Variants in RBM28 observed in about 807,000 individuals in gnomAD.
RBM28 encodes RNA-binding protein 28.
Under a neutral mutation model 98.3 loss-of-function variants are expected in RBM28, and 78 were observed. That is an observed-to-expected ratio of 0.79 (90% CI 0.66 to 0.96). The LOEUF is 0.96. Ranked by LOEUF, RBM28 falls within the 40% of genes least tolerant of loss-of-function variation. The pLI, the probability that RBM28 is intolerant of heterozygous loss-of-function variation, is 0.00. For missense variants in RBM28, 838 were observed against 913.0 expected (o/e 0.92, Z 1.06); for synonymous variants, 306 against 330.9 (o/e 0.92, Z 0.82).
intron 17 of RBM28, among the ~76,000 whole-genome samples, chr7:128,314,031 C>T (rs1041055158): frequency 1.3e-5 from 2 of 151,970 alleles, no homozygotes; most frequent in African/African-American, 4.8e-5. Context: ...GGCGTGATCT[C>T]GGCTCACTGC....
rs1329351644 is a variant in RBM28 at position 128,303,847 on chromosome 7, A to C, written c.*6950T>G. On this transcript the variant is annotated 3_prime_UTR_variant, in exon 19 of 19. Transcript: ENST00000223073. The stretch of plus-strand genomic sequence containing the variant: ...CAACTTCCTCTATTAACACCCATGC[A>C]CGTATCAGAAGCTACCCATGAAAGG... 2.0e-5 allele frequency: 3 copies of C among 152,218 alleles called. No individual in the cohort carries two copies. Among genetic ancestry groups the C allele is most frequent in the African/African-American group, 7.2e-5 (3 of 41,442 alleles). The allele number at this position is 152,218 out of a possible 1,614,324, so 9.4% of individuals were successfully genotyped here.
chr7:128,317,997 C>T lies in RBM28; in HGVS notation c.1673G>A (p.Arg558His), dbSNP rs1796141309. Residue 558 changes from arginine (R) to histidine (H), a missense_variant, in exon 15 of 19, where the codon CGC becomes CAC. Transcript: ENST00000223073. ...GATTTCTGGATTGTTGTTGATGAGG[C>T]GGAGGGCTTTCAGGGCATGCTCGTG... ...QEHEHALKAL[R>H]LINNNPEIFG... The T allele has an allele frequency of 6.2e-7, 1 of 1,614,154 alleles. No homozygotes were observed. Among genetic ancestry groups the T allele is most frequent in the Non-Finnish European group, 8.5e-7 (1 of 1,180,022 alleles).
At chr7:128,325,285 T>C (rs1348369709) in intron 11 of RBM28, among the ~76,000 whole-genome samples, 1 of 152,216 alleles carries the variant, frequency 6.6e-6, no homozygotes, top group Non-Finnish European at 1.5e-5. Flanking sequence ...AGTCCCAAAG[T>C]AGACCCAAAC....
intron 9 of RBM28, among the ~76,000 whole-genome samples, chr7:128,331,356 C>G (rs1476202017): frequency 6.6e-6 from 1 of 151,578 alleles, no homozygotes; most frequent in Non-Finnish European, 1.5e-5. Flanking sequence ...AAGTGGTGTC[C>G]CCAGAGAAAA....
chr7:128,341,146 T>C, intron 1 of RBM28: 1 of 1,288,944 alleles, frequency 7.8e-7, no homozygotes, highest in Non-Finnish European at 1.0e-6. Flanking sequence ...TCATATGCTC[T>C]GCTTCTCTTT....
chr7:128,338,585 T>C (rs1375011020), intron 4 of RBM28, 141 bp downstream of exon 4: 2 of 774,322 alleles, frequency 2.6e-6, no homozygotes, highest in East Asian at 2.7e-5. Flanking sequence ...ACAGAAAATA[T>C]CATCAGGGGA....
At chr7:128,328,252 T>C (rs1374700927) in intron 10 of RBM28, among the ~76,000 whole-genome samples, 2 of 152,248 alleles carry the variant, frequency 1.3e-5, no homozygotes, top group African/African-American at 2.4e-5. Context: ...ATGTTTCTAA[T>C]AGGCAGATTC....
chr7:128,316,048 G>A (rs1796101371), intron 16 of RBM28, among the ~76,000 whole-genome samples: 1 of 152,230 alleles, frequency 6.6e-6, no homozygotes, highest in Non-Finnish European at 1.5e-5. Context: ...AATGATAAGT[G>A]TGTGTTGTTC....
rs543318949 is a variant in RBM28 at position 128,311,080 on chromosome 7, G to C, written c.2146-149C>G. 1.1e-4 allele frequency: 87 copies of C among 803,006 alleles called. No homozygotes were observed. In the African/African-American group the frequency reaches 1.4e-3, roughly 13 times the overall value. The allele number at this position is 803,006 out of a possible 1,614,324, so 49.7% of individuals were successfully genotyped here. On this transcript the variant is annotated intron_variant, in intron 18 of 18. Coordinates refer to ENST00000223073, the MANE Select transcript of RBM28 (RefSeq NM_018077.3). ...GTTTCTAGAGAGAGACTCTTAGAGA[G>C]AAAGGCTCAAACAGAATCATCCACT...
rs113680488 is a variant in RBM28 at position 128,329,299 on chromosome 7, A to C, written c.1129+1520T>G. Among the ~76,000 whole-genome samples the C allele has an allele frequency of 9.7e-3, 1,481 of 152,108 alleles. 20 individuals carry two copies. Among genetic ancestry groups the C allele is most frequent in the African/African-American group, 0.033 (1,389 of 41,484 alleles). The stretch of plus-strand genomic sequence containing the variant: ...TTTTTAGTAGAGATGGGGTTTCTCC[A>C]TATTGGTCAGGCTGCTCTTGAACTC... On this transcript the variant is annotated intron_variant, in intron 10 of 18. Transcript: ENST00000223073.
rs763854526 is a variant in RBM28 at position 128,330,852 on chromosome 7, T to C, written c.1096A>G (p.Ile366Val). 2.3e-5 allele frequency: 37 copies of C among 1,614,096 alleles called. No individual in the cohort carries two copies. The highest frequency in any genetic ancestry group is 3.1e-5 in the Non-Finnish European group (36 of 1,179,952). Residue 366 changes from isoleucine to valine, a missense_variant, in exon 10 of 19, where the codon ATT (isoleucine) becomes GTT (valine). By Grantham distance (29) the Ile-to-Val change is conservative. Coordinates refer to ENST00000223073, the MANE Select transcript of RBM28 (RefSeq NM_018077.3). The part of the protein sequence containing the change: ...QQFGELKYVR[I>V]VLHPDTEHSK... ...TGCTCTGTGTCTGGATGCAAGACAA[T>C]GCGGACATATTTGAGTTCTCCAAAC...
intron 13 of RBM28, among the ~76,000 whole-genome samples, chr7:128,322,302 C>T (rs1470397151): frequency 1.3e-5 from 2 of 152,192 alleles, no homozygotes; most frequent in African/African-American, 4.8e-5. Flanking sequence ...CTCAACTATG[C>T]TGCCACAAAA....
intron 1 of RBM28, among the ~76,000 whole-genome samples, chr7:128,342,743 C>T (rs1013886306): frequency 2.0e-5 from 3 of 152,182 alleles, no homozygotes; most frequent in African/African-American, 7.2e-5. Flanking sequence ...ATTCTCTTCC[C>T]TTTACTCACT....
In RBM28 at chr7:128,310,331, A is replaced by G. The variant is rs1167415668; in HGVS notation, c.*466T>C. ...GTTCCTGCAGTGTGTAAGACTACAGAGCTGAATTAGGAATGTCAAAGAATG... is the reference window on the plus strand; with the variant it reads ...GTTCCTGCAGTGTGTAAGACTACAGGGCTGAATTAGGAATGTCAAAGAATG... On this transcript the variant is annotated 3_prime_UTR_variant, in exon 19 of 19. Transcript: ENST00000223073. 1 of 238,898 alleles carries G rather than the reference A, an allele frequency of 4.2e-6. No homozygotes were observed. Among genetic ancestry groups the G allele is most frequent in the East Asian group, 1.1e-4 (1 of 9,060 alleles). 14.8% of individuals were successfully genotyped at this position (238,898 alleles called of 1,614,324 possible).
In RBM28 at chr7:128,317,791, G is replaced by C. The variant is rs369010949; in HGVS notation, c.1714-58C>G. On this transcript the variant is annotated intron_variant, in intron 15 of 18. Coordinates refer to ENST00000223073, the MANE Select transcript of RBM28 (RefSeq NM_018077.3). ...ACTTCTTAATCTGTGCATGCAATGA[G>C]CTGAGTTTTTCCCCTTCACACATCC... is the stretch of plus-strand genomic sequence containing the variant. 1.1e-5 allele frequency: 16 copies of C among 1,492,878 alleles called. No individual in the cohort carries two copies. In the East Asian group the frequency reaches 3.6e-4, roughly 34 times the overall value. 92.5% of individuals were successfully genotyped at this position (1,492,878 alleles called of 1,614,324 possible).
In RBM28 at chr7:128,309,896, A is replaced by T. The variant is rs1031955204; in HGVS notation, c.*901T>A. On this transcript the variant is annotated 3_prime_UTR_variant, in exon 19 of 19. Transcript: ENST00000223073. ...GTAGCCAAAAGTGAATGAAGAAGAGAGTGGATAAAGACAAGCAGAGGTGAT... is the reference window on the plus strand; with the variant it reads ...GTAGCCAAAAGTGAATGAAGAAGAGTGTGGATAAAGACAAGCAGAGGTGAT... The T allele has an allele frequency of 3.9e-5, 6 of 152,146 alleles. No individual in the cohort carries two copies. The highest frequency in any genetic ancestry group is 1.5e-4 in the African/African-American group (6 of 41,376). 9.4% of individuals were successfully genotyped at this position (152,146 alleles called of 1,614,324 possible).
At chr7:128,315,318 T>C (rs1387174173) in intron 16 of RBM28, among the ~76,000 whole-genome samples, 2 of 152,196 alleles carry the variant, frequency 1.3e-5, no homozygotes, top group Non-Finnish European at 2.9e-5. Context: ...GTGTAACCTA[T>C]GTAGAAGGAG....
intron 6 of RBM28, among the ~76,000 whole-genome samples, chr7:128,336,600 G>C (rs1462926839): frequency 6.6e-6 from 1 of 152,218 alleles, no homozygotes; most frequent in Non-Finnish European, 1.5e-5. Flanking sequence ...AAAGAGCCTA[G>C]GTTTTGGGAC....
intron 13 of RBM28, 146 bp from the exon 14 acceptor site, chr7:128,321,570 A>C: frequency 1.0e-6 from 1 of 973,028 alleles, no homozygotes; most frequent in African/African-American, 1.6e-5. Flanking sequence ...GCAGCTTTAC[A>C]ATGCCTAGTA....
Sources: gnomAD v4.1 joint callset for allele counts (sites outside exome capture counted in the v4.1 genomes callset) on GRCh38, gnomAD v4.1.1 for gene constraint, MANE v1.5 for transcripts, NCBI Gene and HGNC (gene_info 2026-07-23, HGNC 2026-07-21) for gene names.